The following AGBL4 variants were observed in gnomAD, a reference collection of about 807,000 sequenced individuals.
AGBL4 encodes cytosolic carboxypeptidase 6.
In AGBL4, 58 loss-of-function variants were observed where a neutral mutation model predicts 66.4. That is an observed-to-expected ratio of 0.87 (90% CI 0.71 to 1.09). AGBL4 has a LOEUF of 1.09. Among genes scored for constraint, AGBL4 ranks in the 50% least tolerant of loss-of-function variants. AGBL4 has a pLI of 0.00. For missense variants in AGBL4, 579 were observed against 631.0 expected, an observed-to-expected ratio of 0.92 and a Z score of 0.88; for synonymous variants, 234 against 222.9, an observed-to-expected ratio of 1.05 and a Z score of -0.44.
chr1:49,915,231 G>C (rs1443000921), intron 1 of AGBL4, among the ~76,000 whole-genome samples: 1 of 152,144 alleles, frequency 6.6e-6, no homozygotes, highest in African/African-American at 2.4e-5. Context: ...ATGTTGGACA[G>C]TGGGTGCAGG....
chr1:49,777,035 G>T (rs1644214830), intron 2 of AGBL4, among the ~76,000 whole-genome samples: 1 of 152,134 alleles, frequency 6.6e-6, no homozygotes, highest in Admixed American at 6.6e-5. Flanking sequence ...TGAATTATTT[G>T]TTGAACAAGA....
chr1:50,023,770 A>G lies in AGBL4; in HGVS notation c.27T>C (p.Pro9=), dbSNP rs1323231110. ...TCGGCCGCCCCCACAGACCTGCCTC[A>G]GGCGCCGACTGGCTCCCCTCCGCCA... MAEGSQSA[P]EAGNDMGNDD... is the part of the protein sequence containing the mutation. Residue 9 remains proline, a synonymous_variant, in exon 1 of 14, where the codon CCT becomes CCC. Coordinates refer to ENST00000371839, the MANE Select transcript of AGBL4 (RefSeq NM_032785.4). 5.2e-6 allele frequency: 8 copies of G among 1,549,346 alleles called. No homozygotes were observed. Among genetic ancestry groups the G allele is most frequent in the African/African-American group, 1.4e-5 (1 of 72,906 alleles).
rs189068417 is a variant in AGBL4, at chr1:49,507,404, A to G, written c.282+189909T>C. Among the ~76,000 whole-genome samples the G allele has an allele frequency of 3.3e-5, 5 of 152,178 alleles. 1 individual carries two copies. The highest frequency in any genetic ancestry group is 2.6e-4 in the Admixed American group (4 of 15,268). On this transcript the variant is annotated intron_variant, in intron 3 of 13. Transcript: ENST00000371839. ...GAACAGACTCATGAGAGACAGTAAA[A>G]GCTAATATATTTACCAACTTACACT... is the stretch of plus-strand genomic sequence containing the variant.
At chr1:49,173,161 T>C (rs920563404) in intron 4 of AGBL4, among the ~76,000 whole-genome samples, 1 of 152,092 alleles carries the variant, frequency 6.6e-6, no homozygotes, top group Non-Finnish European at 1.5e-5. Flanking sequence ...AGGATCTATA[T>C]GGGTAGAAGA....
At chr1:49,086,114 C>T (rs1366397117) in intron 4 of AGBL4, among the ~76,000 whole-genome samples, 1 of 152,186 alleles carries the variant, frequency 6.6e-6, no homozygotes. Flanking sequence ...AGGTGACCAC[C>T]CCCTACCCCA....
At position 48,906,208 on chromosome 1, in the gene AGBL4, A is replaced by AT. The variant is rs544016692; in HGVS notation, c.595-38979dup. On this transcript the variant is annotated intron_variant, in intron 5 of 13. Coordinates refer to ENST00000371839, the MANE Select transcript of AGBL4 (RefSeq NM_032785.4). The stretch of plus-strand genomic sequence containing the variant: ...CCATGAAGATAAGAGGTATGTTAAT[A>AT]TTAAACAATAAACTTAATCTTCCTG... Among the ~76,000 whole-genome samples, 209 of 152,330 alleles carry AT rather than the reference A, an allele frequency of 1.4e-3. 1 individual carries two copies. The highest frequency in any genetic ancestry group is 4.9e-3 in the African/African-American group (204 of 41,578).
At chr1:49,993,985 G>A (rs940235009) in intron 1 of AGBL4, among the ~76,000 whole-genome samples, 5 of 152,026 alleles carry the variant, frequency 3.3e-5, no homozygotes, top group South Asian at 2.1e-4. Flanking sequence ...AAACTTTCCC[G>A]ATCAGTTTTG....
chr1:48,971,043 A>G (rs1658859854), intron 5 of AGBL4, among the ~76,000 whole-genome samples: 2 of 152,066 alleles, frequency 1.3e-5, no homozygotes, highest in African/African-American at 2.4e-5. Flanking sequence ...TGACTTACCC[A>G]AGGTCACTCA....
At chr1:48,522,771 C>T in the AGBL4 span, among the ~76,000 whole-genome samples, 5 of 151,908 alleles carry the variant, frequency 3.3e-5, no homozygotes, top group Non-Finnish European at 5.9e-5. Flanking sequence ...CACTACCATA[C>T]AAAAATTAGC....
At chr1:49,563,032 G>A (rs920236094) in intron 3 of AGBL4, among the ~76,000 whole-genome samples, 2 of 152,034 alleles carry the variant, frequency 1.3e-5, no homozygotes, top group Non-Finnish European at 2.9e-5. Flanking sequence ...CACATCCCTT[G>A]TAAGTTGGAT....
At chr1:49,963,632 T>C (rs1416355608) in intron 1 of AGBL4, among the ~76,000 whole-genome samples, 1 of 152,130 alleles carries the variant, frequency 6.6e-6, no homozygotes, top group Non-Finnish European at 1.5e-5. Context: ...CTGCCTGAGA[T>C]TTCTGAAAAT....
At chr1:49,640,920 T>C (rs1395591474) in intron 3 of AGBL4, among the ~76,000 whole-genome samples, 2 of 152,140 alleles carry the variant, frequency 1.3e-5, no homozygotes, top group Non-Finnish European at 2.9e-5. Flanking sequence ...AATTAAATTG[T>C]ATAGCATGAC....
chr1:49,296,026 G>C (rs768498878), intron 3 of AGBL4, among the ~76,000 whole-genome samples: 2 of 152,146 alleles, frequency 1.3e-5, no homozygotes, highest in Non-Finnish European at 2.9e-5. Flanking sequence ...AAATGTACCA[G>C]AGTAATTGCG....
intron 4 of AGBL4, among the ~76,000 whole-genome samples, chr1:49,132,939 C>A (rs572083238): frequency 1.3e-5 from 2 of 152,128 alleles, no homozygotes; most frequent in African/African-American, 4.8e-5. Context: ...CACATGCACA[C>A]GTAGGTTTAT....
chr1:49,518,389 T>C (rs1342266481), intron 3 of AGBL4, among the ~76,000 whole-genome samples: 1 of 152,078 alleles, frequency 6.6e-6, no homozygotes, highest in Non-Finnish European at 1.5e-5. Flanking sequence ...TTATTGAGCA[T>C]TTCCATTATG....
At chr1:48,580,743 G>T (rs1041226428) in intron 11 of AGBL4, among the ~76,000 whole-genome samples, 1 of 152,146 alleles carries the variant, frequency 6.6e-6, no homozygotes, top group Non-Finnish European at 1.5e-5. Flanking sequence ...CACCTTGTGA[G>T]TACTGCCTGT....
intron 3 of AGBL4, among the ~76,000 whole-genome samples, chr1:49,282,567 C>A (rs1047329343): frequency 6.6e-6 from 1 of 152,154 alleles, no homozygotes. Flanking sequence ...CCAGCGTGAG[C>A]GACGCAGAAG....
intron 3 of AGBL4, among the ~76,000 whole-genome samples, chr1:49,493,422 T>A (rs2148747983): frequency 6.6e-6 from 1 of 152,162 alleles, no homozygotes; most frequent in Non-Finnish European, 1.5e-5. Context: ...GTAGTTATTA[T>A]TACAATATTT....
At chr1:48,528,276 G>C (rs1643890307), downstream of AGBL4, among the ~76,000 whole-genome samples, 1 of 152,140 alleles carries the variant, frequency 6.6e-6, no homozygotes, top group Middle Eastern at 3.2e-3. Flanking sequence ...GCTGTGTGGG[G>C]AGAAAGACAT....
Sources: gnomAD v4.1 joint callset for allele counts (sites outside exome capture counted in the v4.1 genomes callset) on GRCh38, gnomAD v4.1.1 for gene constraint, MANE v1.5 for transcripts, NCBI Gene and HGNC (gene_info 2026-07-23, HGNC 2026-07-21) for gene names.